The following SMARCAD1 variants were observed in gnomAD, a reference collection of about 807,000 sequenced individuals.
SMARCAD1 encodes the protein SWI/SNF-related matrix-associated actin-dependent regulator of chromatin subfamily A containing DEAD/H box 1.
SMARCAD1 carries 25 observed loss-of-function variants against 127.1 expected under a neutral mutation model. The observed-to-expected ratio is 0.20, with a 90% CI of 0.14 to 0.27. The LOEUF is 0.27. Ranked by LOEUF, SMARCAD1 falls within the 10% of genes least tolerant of loss-of-function variation. The pLI is 1.00. For synonymous variants in SMARCAD1, 400 were observed against 396.9 expected, an observed-to-expected ratio of 1.01 and a Z score of -0.09; for missense variants, 807 against 1,206.0, an observed-to-expected ratio of 0.67 and a Z score of 4.90.
At chr4:94,263,224 T>G (rs1433033592) in intron 9 of SMARCAD1, among the ~76,000 whole-genome samples, 1 of 152,154 alleles carries the variant, frequency 6.6e-6, no homozygotes, top group Non-Finnish European at 1.5e-5. Flanking sequence ...TCTCTCACAT[T>G]TCAATGTATT....
At chr4:94,249,858 AT>A (rs1749015848) in intron 7 of SMARCAD1, 103 bp downstream of exon 7, 1 of 706,018 alleles carries the variant, frequency 1.4e-6, no homozygotes, top group Non-Finnish European at 2.6e-6. Flanking sequence ...TGAGTTTTGT[AT>A]TCTTCTAATT....
intron 3 of SMARCAD1, among the ~76,000 whole-genome samples, chr4:94,232,926 GC>G (rs1746070110): frequency 6.6e-6 from 1 of 152,162 alleles, no homozygotes. Flanking sequence ...GTTGCCGTGA[GC>G]CAAGATGGCA....
chr4:94,210,423 TAC>T (rs1464655579), intron 2 of SMARCAD1, among the ~76,000 whole-genome samples: 1 of 152,232 alleles, frequency 6.6e-6, no homozygotes, highest in African/African-American at 2.4e-5. Flanking sequence ...TTGAAGAACT[TAC>T]AGAGTGAATG....
chr4:94,263,128 T>C (rs1231538458), intron 9 of SMARCAD1, among the ~76,000 whole-genome samples: 3 of 152,064 alleles, frequency 2.0e-5, no homozygotes, highest in African/African-American at 7.2e-5. Context: ...AATGAGTTAC[T>C]GAATAAAAGG....
chr4:94,226,047 CAT>C (rs1371874836), intron 2 of SMARCAD1, 70 bp from the exon 3 acceptor site: 55 of 1,236,986 alleles, frequency 4.4e-5, no homozygotes, highest in Admixed American at 1.3e-4. Flanking sequence ...GATTTTAGCA[CAT>C]GATTATAACT....
chr4:94,241,959 C>T (rs115105255), intron 6 of SMARCAD1, among the ~76,000 whole-genome samples: 1,574 of 152,262 alleles, frequency 0.01, 25 homozygotes, highest in African/African-American at 0.035. Flanking sequence ...TTCTCTGCCA[C>T]GTGTGCACCC....
In SMARCAD1 at chr4:94,275,022, AAG is replaced by A. The variant is rs995299355; in HGVS notation, c.1808+59_1808+60del. On this transcript the variant is annotated intron_variant, in intron 14 of 23. Coordinates refer to ENST00000354268, the MANE Select transcript of SMARCAD1 (RefSeq NM_020159.5). ...ATTTATGCAGCCCCCAAATTTAAAA[AAG>A]AAATTGTAGTAGTACTATGTAGGAA... 1.2e-5 allele frequency: 15 copies of A among 1,222,902 alleles called. No homozygotes were observed. In the Admixed American group the frequency reaches 2.4e-4, roughly 19 times the overall value. 75.8% of individuals were successfully genotyped at this position (1,222,902 alleles called of 1,614,324 possible).
chr4:94,223,407 C>T (rs1210893643), intron 2 of SMARCAD1, among the ~76,000 whole-genome samples: 1 of 151,996 alleles, frequency 6.6e-6, no homozygotes, highest in Admixed American at 6.6e-5. Flanking sequence ...GCAGAAGAAT[C>T]ACTGGAGCCC....
At position 94,233,368 on chromosome 4, in the gene SMARCAD1, A is replaced by G. The variant is rs550906589; in HGVS notation, c.369-586A>G. ...TGACTCAAAATGTCTTTTATAAAGG[A>G]TAAACATATGAAGTTAAATAGAACA... On this transcript the variant is annotated intron_variant, in intron 3 of 23. Coordinates refer to ENST00000354268, the MANE Select transcript of SMARCAD1 (RefSeq NM_020159.5). Among the ~76,000 whole-genome samples the G allele has an allele frequency of 2.6e-5, 4 of 152,322 alleles. No homozygotes were observed. The East Asian group carries it at 5.8e-4, about 22-fold the overall frequency.
At chr4:94,218,712 T>C (rs1443099788) in intron 2 of SMARCAD1, among the ~76,000 whole-genome samples, 1 of 151,660 alleles carries the variant, frequency 6.6e-6, no homozygotes, top group African/African-American at 2.4e-5. Context: ...TTCTAGGGTA[T>C]TTATTAGAGA....
At chr4:94,212,372 G>A (rs1332786149) in intron 2 of SMARCAD1, among the ~76,000 whole-genome samples, 3 of 151,584 alleles carry the variant, frequency 2.0e-5, no homozygotes, top group African/African-American at 4.9e-5. Flanking sequence ...ACGGCATTTC[G>A]CTATGTTGAC....
chr4:94,216,683 A>C (rs1743258468), intron 2 of SMARCAD1, among the ~76,000 whole-genome samples: 1 of 152,200 alleles, frequency 6.6e-6, no homozygotes, highest in Non-Finnish European at 1.5e-5. Flanking sequence ...TGACTATTCT[A>C]AGTATCTCAT....
intron 22 of SMARCAD1, among the ~76,000 whole-genome samples, chr4:94,284,737 A>G (rs960619911): frequency 1.7e-4 from 26 of 152,104 alleles, no homozygotes; most frequent in Admixed American, 4.6e-4. Flanking sequence ...CCAGTCAGTA[A>G]TTTACTTTAA....
At chr4:94,234,424 C>T (rs1746320311) in intron 4 of SMARCAD1, among the ~76,000 whole-genome samples, 1 of 152,070 alleles carries the variant, frequency 6.6e-6, no homozygotes, top group Non-Finnish European at 1.5e-5. Flanking sequence ...ATTAGAAATA[C>T]TCAGAAATGT....
intron 4 of SMARCAD1, among the ~76,000 whole-genome samples, chr4:94,235,200 C>T (rs1266869195): frequency 1.4e-5 from 2 of 147,572 alleles, no homozygotes; most frequent in Non-Finnish European, 3.0e-5. Flanking sequence ...CAGTTTTGTC[C>T]CTCTCCCAGT....
At chr4:94,260,839 A>G (rs1204698171) in intron 9 of SMARCAD1, among the ~76,000 whole-genome samples, 1 of 152,162 alleles carries the variant, frequency 6.6e-6, no homozygotes, top group Non-Finnish European at 1.5e-5. Context: ...AATGACCATA[A>G]TTAATTTATG....
chr4:94,283,779 CA>C (rs1365549687), intron 22 of SMARCAD1, among the ~76,000 whole-genome samples: 6 of 151,674 alleles, frequency 4.0e-5, no homozygotes, highest in Non-Finnish European at 8.8e-5. Flanking sequence ...GAGCCGAGAT[CA>C]CCACCACTGC....
At chr4:94,226,724 C>A (rs1307969121) in intron 3 of SMARCAD1, among the ~76,000 whole-genome samples, 1 of 152,034 alleles carries the variant, frequency 6.6e-6, no homozygotes, top group African/African-American at 2.4e-5. Context: ...AGTGAACAAA[C>A]CATCCCCAGC....
At chr4:94,281,657 TCTAA>T (rs758224250) in intron 21 of SMARCAD1, 67 bp downstream of exon 21, 24 of 1,031,152 alleles carry the variant, frequency 2.3e-5, no homozygotes, top group African/African-American at 1.7e-4. Context: ...ATTTTAATTG[TCTAA>T]CAAACAATTG....
Sources: allele counts gnomAD v4.1 joint callset (sites outside exome capture counted in the v4.1 genomes callset), GRCh38; gene constraint gnomAD v4.1.1; transcripts MANE v1.5; gene names NCBI Gene and HGNC (gene_info 2026-07-23, HGNC 2026-07-21).